Variants in NOL10 observed in about 807,000 individuals in gnomAD.
NOL10 encodes the protein nucleolar protein 10.
NOL10 carries 58 observed loss-of-function variants against 103.5 expected under a neutral mutation model. That is an observed-to-expected ratio of 0.56 (90% CI 0.45 to 0.70). NOL10 has a LOEUF of 0.70. Among genes scored for constraint, NOL10 ranks in the 30% least tolerant of loss-of-function variants. The pLI is 0.00. For missense variants in NOL10, 763 were observed against 807.3 expected (o/e 0.95, Z 0.67); for synonymous variants, 287 against 282.5 (o/e 1.02, Z -0.16).
chr2:10,586,845 C>A (rs568727356), intron 19 of NOL10, among the ~76,000 whole-genome samples: 1 of 150,796 alleles, frequency 6.6e-6, no homozygotes, highest in African/African-American at 2.4e-5. Context: ...ATAGAACATA[C>A]AAAATATGTG....
chr2:10,609,974 A>C (rs920337334), intron 13 of NOL10, among the ~76,000 whole-genome samples: 1 of 152,208 alleles, frequency 6.6e-6, no homozygotes, highest in Non-Finnish European at 1.5e-5. Flanking sequence ...CAAAACACAT[A>C]TGAATTTCAT....
At chr2:10,592,117 G>C (rs1363434920) in intron 17 of NOL10, among the ~76,000 whole-genome samples, 6 of 152,176 alleles carry the variant, frequency 3.9e-5, no homozygotes, top group African/African-American at 1.4e-4. Flanking sequence ...AGACTAAGAA[G>C]CCATTTTAAG....
chr2:10,616,639 CCCA>C (rs1219229042), intron 13 of NOL10, among the ~76,000 whole-genome samples: 2 of 152,130 alleles, frequency 1.3e-5, no homozygotes, highest in African/African-American at 2.4e-5. Context: ...ACCTCAACCT[CCCA>C]GGTTCAAGCA....
chr2:10,571,938 C>CTTTA lies in NOL10; in HGVS notation c.*129_*132dup. 1 of 1,121,468 alleles carries CTTTA rather than the reference C, an allele frequency of 8.9e-7. No homozygotes were observed. Among genetic ancestry groups the CTTTA allele is most frequent in the Non-Finnish European group, 1.3e-6 (1 of 791,370 alleles). 69.5% of individuals were successfully genotyped at this position (1,121,468 alleles called of 1,614,324 possible). A position where few individuals can be genotyped will look rare whatever the true frequency, so the allele number is the denominator to read the frequency against. Reference sequence around the variant, plus strand: ...ACCCACAAGGCACAGGTTTTCAAATCTTTACCTCTGTGTACAAGAACGTAC... The same window carrying CTTTA: ...ACCCACAAGGCACAGGTTTTCAAATCTTTATTTACCTCTGTGTACAAGAACGTAC... On this transcript the variant is annotated 3_prime_UTR_variant, in exon 21 of 21. Coordinates refer to ENST00000381685, the MANE Select transcript of NOL10 (RefSeq NM_024894.4).
chr2:10,632,929 A>C (rs1448594024), intron 13 of NOL10, among the ~76,000 whole-genome samples: 3 of 152,160 alleles, frequency 2.0e-5, no homozygotes, highest in Non-Finnish European at 4.4e-5. Context: ...TTAGCCTCCT[A>C]AAGTGCTGGG....
chr2:10,589,036 T>G lies in NOL10; in HGVS notation c.1844+7A>C, dbSNP rs776829579. 9 of 1,613,616 alleles carry G rather than the reference T, an allele frequency of 5.6e-6. No homozygotes were observed. The Admixed American group carries it at 6.7e-5, about 12-fold the overall frequency. ...TGTCAACTGTGCGCTCAGGCAGTGC[T>G]ACTCACTTCATCAGTTTCTGCTTTG... On this transcript the variant is annotated splice_region_variant and intron_variant, in intron 19 of 20. Transcript: ENST00000381685.
At chr2:10,622,474 G>C (rs1367986305) in intron 13 of NOL10, among the ~76,000 whole-genome samples, 1 of 129,266 alleles carries the variant, frequency 7.7e-6, no homozygotes, top group East Asian at 2.2e-4. Context: ...TTTTTTTTTA[G>C]TTAGAGCGTT....
intron 8 of NOL10, among the ~76,000 whole-genome samples, chr2:10,665,221 A>T (rs1243568025): frequency 1.3e-5 from 2 of 152,234 alleles, no homozygotes; most frequent in African/African-American, 4.8e-5. Flanking sequence ...ATGAGTTAAT[A>T]AATTTTATGG....
chr2:10,586,622 C>T (rs1205053579), intron 19 of NOL10, among the ~76,000 whole-genome samples: 1 of 152,168 alleles, frequency 6.6e-6, no homozygotes, highest in East Asian at 1.9e-4. Flanking sequence ...CCTTCCACTT[C>T]CTCCTCTTCT....
intron 13 of NOL10, among the ~76,000 whole-genome samples, chr2:10,614,094 G>C (rs6432124): frequency 0.59 from 89,377 of 151,206 alleles, 27,379 homozygotes; most frequent in African/African-American, 0.74. Flanking sequence ...CTAGTAGCTG[G>C]GACTACAGGC....
Position 10,662,958 on chromosome 2 carries a change from C to A in NOL10, c.677+1G>T. On this transcript the variant is annotated splice_donor_variant, in intron 9 of 20. Coordinates refer to ENST00000381685, the MANE Select transcript of NOL10 (RefSeq NM_024894.4). LOFTEE classifies it high-confidence loss of function. ...TACATTGCAAATTAATTTCTACTTA[C>A]TCTGAATCTGCTGTGACACTGTTTA... 1.2e-6 allele frequency: 2 copies of A among 1,610,610 alleles called. No individual in the cohort carries two copies. Among genetic ancestry groups the A allele is most frequent in the Non-Finnish European group, 1.7e-6 (2 of 1,176,980 alleles).
chr2:10,638,197 G>C (rs1386771653), intron 13 of NOL10, among the ~76,000 whole-genome samples: 2 of 152,086 alleles, frequency 1.3e-5, no homozygotes, highest in African/African-American at 4.8e-5. Context: ...GAGGCGGGAG[G>C]ATGCTAGAGC....
chr2:10,609,233 G>A (rs6432117), intron 13 of NOL10, among the ~76,000 whole-genome samples: 3 of 150,466 alleles, frequency 2.0e-5, no homozygotes, highest in East Asian at 2.0e-4. Context: ...GCACTGAGTC[G>A]AAGGGGAAGA....
intron 20 of NOL10, among the ~76,000 whole-genome samples, chr2:10,574,504 G>A (rs75477735): frequency 6.6e-6 from 1 of 152,080 alleles, no homozygotes; most frequent in South Asian, 2.1e-4. Flanking sequence ...AAAATTAGCT[G>A]GGCATGGTGG....
chr2:10,676,269 C>T (rs184450423), intron 3 of NOL10, among the ~76,000 whole-genome samples: 59 of 152,272 alleles, frequency 3.9e-4, no homozygotes, highest in African/African-American at 1.4e-3. Flanking sequence ...TAAAAACACA[C>T]GATGTTTCCA....
chr2:10,683,465 G>A (rs1431569423), intron 2 of NOL10, among the ~76,000 whole-genome samples: 9 of 152,076 alleles, frequency 5.9e-5, no homozygotes, highest in Non-Finnish European at 1.2e-4. Flanking sequence ...TAATTTACAC[G>A]ATAAGATTTT....
intron 13 of NOL10, among the ~76,000 whole-genome samples, chr2:10,613,206 C>T (rs760786666): frequency 6.6e-6 from 1 of 152,058 alleles, no homozygotes; most frequent in African/African-American, 2.4e-5. Context: ...ACAGTATACC[C>T]TATAAAAATA....
intron 19 of NOL10, among the ~76,000 whole-genome samples, chr2:10,585,688 G>A (rs1478260916): frequency 3.9e-5 from 6 of 152,208 alleles, no homozygotes; most frequent in Admixed American, 3.9e-4. Flanking sequence ...ATCCATGGAT[G>A]CTCAAGTTGT....
At position 10,589,570 on chromosome 2, in the gene NOL10, T is replaced by G. The variant is rs750726711; in HGVS notation, c.1596+8A>C. ...GTAGCAAATTCTAACTGATAAGGAG[T>G]ACATTACTTTTTCACGAAGTTCTTG... On this transcript the variant is annotated splice_region_variant and intron_variant, in intron 18 of 20. Transcript: ENST00000381685. 2.6e-6 allele frequency: 4 copies of G among 1,549,076 alleles called. No homozygotes were observed. The East Asian group carries it at 9.1e-5, about 35-fold the overall frequency.
Sources: gnomAD v4.1 joint callset for allele counts (sites outside exome capture counted in the v4.1 genomes callset) on GRCh38, gnomAD v4.1.1 for gene constraint, MANE v1.5 for transcripts, NCBI Gene and HGNC (gene_info 2026-07-23, HGNC 2026-07-21) for gene names.